Variants in MTCL2 observed in about 807,000 individuals in gnomAD.
MTCL2 encodes microtubule cross-linking factor 2.
At chr20:36,842,283 G>A in the MTCL2 span, among the ~76,000 whole-genome samples, 1 of 152,064 alleles carries the variant, frequency 6.6e-6, no homozygotes, top group African/African-American at 2.4e-5. Flanking sequence ...TGTTTAGTCA[G>A]GTCAAAAACA....
the MTCL2 span, chr20:36,862,852 A>G: frequency 1.6e-6 from 2 of 1,251,522 alleles, no homozygotes. Flanking sequence ...TGCTGCGCGG[A>G]GGGCGCGGGC....
At chr20:36,844,013 A>G in the MTCL2 span, among the ~76,000 whole-genome samples, 5 of 151,398 alleles carry the variant, frequency 3.3e-5, no homozygotes, top group African/African-American at 1.2e-4. Context: ...CAAGGCCGGC[A>G]GATCACGATG....
chr20:36,793,499 A>G, the MTCL2 span: 1 of 1,551,732 alleles, frequency 6.4e-7, no homozygotes, highest in Admixed American at 2.0e-5. This position sits in a 1 kb window ranked among gnomAD's most constrained non-coding sequence, Gnocchi z 6.8. Context: ...GAATTCCTGC[A>G]CAATGCCGTA....
the MTCL2 span, among the ~76,000 whole-genome samples, chr20:36,809,060 C>A: frequency 3.2e-4 from 49 of 152,136 alleles, no homozygotes; most frequent in African/African-American, 1.1e-3. Context: ...CGAGGGTGAG[C>A]GATGATAGCA....
the MTCL2 span, among the ~76,000 whole-genome samples, chr20:36,795,096 G>A: frequency 1.3e-4 from 20 of 152,000 alleles, no homozygotes; most frequent in African/African-American, 4.1e-4. Context: ...GCGCCACCAC[G>A]CCCAGCTAAT....
the MTCL2 span, chr20:36,780,078 G>A: frequency 6.6e-6 from 1 of 152,202 alleles, no homozygotes; most frequent in East Asian, 1.9e-4. Context: ...TGCAAGACCT[G>A]TTAGGAGTCA....
chr20:36,805,711 T>C, the MTCL2 span: 19 of 683,682 alleles, frequency 2.8e-5, no homozygotes, highest in Non-Finnish European at 4.2e-5. Context: ...ATCTGGACTC[T>C]GTTACTGCCC....
chr20:36,827,205 C>T, the MTCL2 span, among the ~76,000 whole-genome samples: 17 of 151,904 alleles, frequency 1.1e-4, no homozygotes, highest in South Asian at 1.7e-3. Flanking sequence ...CCCGCCACCA[C>T]ACCCAGCTAA....
chr20:36,811,769 C>T, the MTCL2 span, among the ~76,000 whole-genome samples: 69 of 152,310 alleles, frequency 4.5e-4, 2 homozygotes, highest in African/African-American at 1.6e-3. Flanking sequence ...TTCAAGTGAG[C>T]TTCTCCTTCC....
the MTCL2 span, chr20:36,828,714 G>A: frequency 1.2e-5 from 3 of 250,564 alleles, no homozygotes; most frequent in South Asian, 6.2e-5. Context: ...AGAGGGCTGA[G>A]CCCCATGCCT....
chr20:36,863,152 C>T, the MTCL2 span: 1 of 1,372,736 alleles, frequency 7.3e-7, no homozygotes, highest in East Asian at 3.3e-5. The surrounding 1 kb of genome is among the most constrained non-coding windows in gnomAD (Gnocchi z 6.2). Flanking sequence ...GAGGAGAACG[C>T]GGCGCTGCAG....
At chr20:36,839,842 GA>G in the MTCL2 span, among the ~76,000 whole-genome samples, 3 of 152,160 alleles carry the variant, frequency 2.0e-5, no homozygotes, top group Non-Finnish European at 1.5e-5. The surrounding 1 kb of genome is among the most constrained non-coding windows in gnomAD (Gnocchi z 5.1). Context: ...TCCAGGATCA[GA>G]AGATAATAAT....
the MTCL2 span, among the ~76,000 whole-genome samples, chr20:36,846,925 G>A: frequency 1.3e-5 from 2 of 152,286 alleles, no homozygotes; most frequent in South Asian, 4.1e-4. Flanking sequence ...CAGGAGAATC[G>A]CTTGAAACCC....
the MTCL2 span, among the ~76,000 whole-genome samples, chr20:36,847,999 T>A: frequency 6.6e-6 from 1 of 151,478 alleles, no homozygotes; most frequent in Non-Finnish European, 1.5e-5. Context: ...ATAAAAAATT[T>A]TAAAAACTTA....
chr20:36,817,364 G>A, the MTCL2 span: 3 of 1,528,808 alleles, frequency 2.0e-6, no homozygotes, highest in Non-Finnish European at 1.8e-6. Flanking sequence ...TCAGGCTCAG[G>A]TCTTCAGAAT....
chr20:36,853,727 G>A, the MTCL2 span, among the ~76,000 whole-genome samples: 1 of 151,840 alleles, frequency 6.6e-6, no homozygotes, highest in Admixed American at 6.6e-5. Context: ...GTGTGTGTGT[G>A]TGTGTGTGTG....
At chr20:36,795,483 G>A in the MTCL2 span, among the ~76,000 whole-genome samples, 1 of 152,070 alleles carries the variant, frequency 6.6e-6, no homozygotes, top group East Asian at 1.9e-4. Flanking sequence ...TCTGCCTGTG[G>A]GATCATACTT....
At chr20:36,817,345 C>A in the MTCL2 span, 2 of 1,430,904 alleles carry the variant, frequency 1.4e-6, no homozygotes, top group Non-Finnish European at 1.9e-6. Flanking sequence ...ATCCCCAGGC[C>A]ACTTAGAGTC....
chr20:36,840,132 G>A, the MTCL2 span, among the ~76,000 whole-genome samples: 1 of 149,644 alleles, frequency 6.7e-6, no homozygotes, highest in Non-Finnish European at 1.5e-5. Flanking sequence ...CCAAAGTGCT[G>A]GGAACAGGTA....
Sources: allele counts gnomAD v4.1 joint callset (sites outside exome capture counted in the v4.1 genomes callset), GRCh38; gene constraint gnomAD v4.1.1; non-coding constraint Gnocchi (gnomAD v3.1); transcripts MANE v1.5; gene names NCBI Gene and HGNC (gene_info 2026-07-23, HGNC 2026-07-21).